The following KCNN2 variants were observed in gnomAD, a reference collection of about 807,000 sequenced individuals.
The protein encoded by KCNN2 is small conductance calcium-activated potassium channel protein 2.
In KCNN2, 24 loss-of-function variants were observed where a neutral mutation model predicts 55.5. The ratio of observed to expected loss-of-function variants is 0.43; its 90% CI spans 0.31 to 0.61. KCNN2 has a LOEUF of 0.61. Among genes scored for constraint, KCNN2 ranks in the 20% least tolerant of loss-of-function variants. The pLI is 0.08. For missense variants in KCNN2, 754 were observed against 853.6 expected (o/e 0.88, Z 1.45); for synonymous variants, 431 against 336.1 (o/e 1.28, Z -3.09).
chr5:114,234,213 T>A (rs577876112), intron 2 of KCNN2, among the ~76,000 whole-genome samples: 2 of 152,362 alleles, frequency 1.3e-5, no homozygotes, highest in Non-Finnish European at 2.9e-5. Context: ...ATATCATTTA[T>A]CTTCTGAATC....
At chr5:114,245,232 G>T (rs940166812) in intron 2 of KCNN2, among the ~76,000 whole-genome samples, 3 of 152,232 alleles carry the variant, frequency 2.0e-5, no homozygotes, top group African/African-American at 7.2e-5. Flanking sequence ...TAGTGCTGCT[G>T]TCACTGCAGT....
At chr5:114,333,188 T>C (rs1217064873) in intron 2 of KCNN2, among the ~76,000 whole-genome samples, 1 of 152,050 alleles carries the variant, frequency 6.6e-6, no homozygotes, top group Non-Finnish European at 1.5e-5. Context: ...AAAGGAAGAA[T>C]GGAATGTGAA....
chr5:114,391,934 T>C (rs1489563383), intron 2 of KCNN2, among the ~76,000 whole-genome samples: 1 of 152,106 alleles, frequency 6.6e-6, no homozygotes, highest in Non-Finnish European at 1.5e-5. Context: ...GTATCACCTC[T>C]ATTTAGGGCT....
chr5:114,200,441 C>T (rs1382563567), intron 1 of KCNN2, among the ~76,000 whole-genome samples: 5 of 151,314 alleles, frequency 3.3e-5, no homozygotes, highest in Admixed American at 1.3e-4. Flanking sequence ...TTCTTTATAT[C>T]GTTTTTCTGA....
intron 1 of KCNN2, among the ~76,000 whole-genome samples, chr5:114,075,686 T>C (rs1727389156): frequency 6.6e-6 from 1 of 151,974 alleles, no homozygotes; most frequent in Non-Finnish European, 1.5e-5. Flanking sequence ...CATGTCCTTA[T>C]TCCTTGAATC....
At chr5:114,218,713 A>G (rs189107515) in intron 1 of KCNN2, among the ~76,000 whole-genome samples, 18 of 152,312 alleles carry the variant, frequency 1.2e-4, no homozygotes, top group African/African-American at 4.3e-4. Flanking sequence ...GTAAATACTA[A>G]TGTAAACTAT....
intron 2 of KCNN2, among the ~76,000 whole-genome samples, chr5:114,237,900 G>T (rs1754537073): frequency 6.6e-6 from 1 of 152,140 alleles, no homozygotes; most frequent in Admixed American, 6.5e-5. Flanking sequence ...TTGCCCCGTG[G>T]CCTTTTAGGT....
At chr5:114,350,867 T>A (rs1296532977) in intron 2 of KCNN2, among the ~76,000 whole-genome samples, 1 of 151,906 alleles carries the variant, frequency 6.6e-6, no homozygotes, top group African/African-American at 2.4e-5. Flanking sequence ...ACCTTTGCAG[T>A]AAGTTTCCAC....
chr5:114,396,640 C>A (rs1758629769), intron 2 of KCNN2, among the ~76,000 whole-genome samples: 5 of 151,834 alleles, frequency 3.3e-5, no homozygotes, highest in Admixed American at 3.3e-4. Flanking sequence ...CCTCTGCCTC[C>A]CAGGTTCAGG....
At chr5:114,427,705 GA>G (rs1376563824) in intron 3 of KCNN2, among the ~76,000 whole-genome samples, 1 of 152,150 alleles carries the variant, frequency 6.6e-6, no homozygotes, top group Non-Finnish European at 1.5e-5. Flanking sequence ...CTCTTTCTTG[GA>G]AAATCTTTGA....
chr5:114,476,636 G>A (rs1761980764), intron 5 of KCNN2, among the ~76,000 whole-genome samples: 1 of 151,976 alleles, frequency 6.6e-6, no homozygotes. Flanking sequence ...GGTCAGGCTG[G>A]TCTGGAACTC....
intron 1 of KCNN2, among the ~76,000 whole-genome samples, chr5:114,103,797 C>A (rs1019381093): frequency 1.3e-5 from 2 of 152,084 alleles, no homozygotes; most frequent in African/African-American, 4.8e-5. Context: ...GGTGGAAGAG[C>A]TTTTTAATGT....
At chr5:114,233,803 ATTC>A (rs1234136926) in intron 2 of KCNN2, among the ~76,000 whole-genome samples, 3 of 152,156 alleles carry the variant, frequency 2.0e-5, no homozygotes, top group Non-Finnish European at 2.9e-5. Context: ...TTTTGTTCTA[ATTC>A]TTCTTATCTT....
intron 6 of KCNN2, among the ~76,000 whole-genome samples, chr5:114,490,512 G>A (rs1028906439): frequency 4.6e-5 from 7 of 152,120 alleles, no homozygotes; most frequent in Non-Finnish European, 7.4e-5. Flanking sequence ...AAGGATAATT[G>A]GATAGTGTTT....
chr5:114,164,661 C>G (rs757554860), intron 1 of KCNN2, among the ~76,000 whole-genome samples: 1 of 152,116 alleles, frequency 6.6e-6, no homozygotes, highest in African/African-American at 2.4e-5. Flanking sequence ...AATTGGAATT[C>G]TATGACTGGA....
intron 1 of KCNN2, among the ~76,000 whole-genome samples, chr5:114,198,963 G>A (rs571666862): frequency 1.3e-5 from 2 of 152,056 alleles, no homozygotes; most frequent in African/African-American, 4.8e-5. Flanking sequence ...AAAATCCAAT[G>A]TAAGTTCAAT....
At chr5:114,287,190 G>A (rs1755772312) in intron 2 of KCNN2, among the ~76,000 whole-genome samples, 1 of 152,116 alleles carries the variant, frequency 6.6e-6, no homozygotes, top group South Asian at 2.1e-4. Flanking sequence ...AAGACAGTGT[G>A]GTAATTCCTC....
intron 2 of KCNN2, among the ~76,000 whole-genome samples, chr5:114,381,811 C>T (rs1447671374): frequency 2.0e-5 from 3 of 152,106 alleles, no homozygotes; most frequent in Non-Finnish European, 2.9e-5. Flanking sequence ...AGTTACAGAT[C>T]TTTTTGCTTG....
intron 1 of KCNN2, chr5:114,057,082 CTCT>C (rs1405197247): frequency 2.6e-5 from 4 of 152,138 alleles, no homozygotes; most frequent in Non-Finnish European, 4.4e-5. Flanking sequence ...GTCCTACCTC[CTCT>C]TCTTCTTTCT....
Sources: allele counts gnomAD v4.1 joint callset (sites outside exome capture counted in the v4.1 genomes callset), GRCh38; gene constraint gnomAD v4.1.1; transcripts MANE v1.5; gene names NCBI Gene and HGNC (gene_info 2026-07-23, HGNC 2026-07-21).